The following MICU2 variants were observed in gnomAD, a reference collection of about 807,000 sequenced individuals.
The protein encoded by MICU2 is mitochondrial calcium uptake 2, also known as calcium uptake protein 2, mitochondrial.
Under a neutral mutation model 60.4 loss-of-function variants are expected in MICU2, and 64 were observed. That is an observed-to-expected ratio of 1.06 (90% CI 0.87 to 1.31). MICU2 has a LOEUF of 1.31. Among genes scored for constraint, MICU2 ranks in the 50% most tolerant of loss-of-function variants. The probability of loss-of-function intolerance (pLI) is 0.00; values close to 1 mark genes in which losing one functional copy is unlikely to be tolerated. For missense variants in MICU2, 569 were observed against 531.0 expected (o/e 1.07, Z -0.70); for synonymous variants, 201 against 175.0 (o/e 1.15, Z -1.17).
chr13:21,578,857 T>C (rs185754312), intron 1 of MICU2, among the ~76,000 whole-genome samples: 2 of 152,288 alleles, frequency 1.3e-5, no homozygotes, highest in East Asian at 3.9e-4. Flanking sequence ...CATTGACAGG[T>C]GGTGGCAGTG....
intron 1 of MICU2, chr13:21,603,564 C>T: frequency 3.6e-6 from 1 of 276,048 alleles, no homozygotes; most frequent in Non-Finnish European, 6.8e-6. Flanking sequence ...GTGAATGCCA[C>T]TTCACTGACC....
chr13:21,581,810 C>T (rs1259806239), intron 1 of MICU2, among the ~76,000 whole-genome samples: 3 of 151,770 alleles, frequency 2.0e-5, no homozygotes, highest in African/African-American at 4.8e-5. Flanking sequence ...AATTCCAGGT[C>T]GTCTAAAAAT....
At chr13:21,525,921 T>TTTATTTATTTATTTATTTAGTAGTC (rs1465696572) in intron 4 of MICU2, among the ~76,000 whole-genome samples, 9 of 40,342 alleles carry the variant, frequency 2.2e-4, no homozygotes, top group Non-Finnish European at 4.9e-4. Flanking sequence ...GTCTTATTTA[T>TTTATTTATTTATTTATTTAGTAGTC]TTATTTATTT....
At chr13:21,514,679 C>T (rs1013334914) in intron 6 of MICU2, among the ~76,000 whole-genome samples, 6 of 150,944 alleles carry the variant, frequency 4.0e-5, no homozygotes, top group Admixed American at 2.7e-4. Context: ...ACTACAGGCG[C>T]CCGCCACCAC....
intron 1 of MICU2, among the ~76,000 whole-genome samples, chr13:21,578,253 T>C (rs1298705377): frequency 1.3e-5 from 2 of 152,204 alleles, no homozygotes; most frequent in East Asian, 3.9e-4. Flanking sequence ...TGGGTTTTTA[T>C]GAATGGGAAT....
At chr13:21,597,982 A>G (rs1888732708) in intron 1 of MICU2, among the ~76,000 whole-genome samples, 1 of 151,898 alleles carries the variant, frequency 6.6e-6, no homozygotes, top group Non-Finnish European at 1.5e-5. Context: ...CTATGAAAGA[A>G]AAAAACAACA....
At chr13:21,513,335 A>C (rs1006405065) in intron 7 of MICU2, among the ~76,000 whole-genome samples, 1 of 152,176 alleles carries the variant, frequency 6.6e-6, no homozygotes, top group African/African-American at 2.4e-5. Context: ...TCAGGGGAAA[A>C]GAATTCAGTC....
chr13:21,552,368 A>G (rs1264169776), intron 2 of MICU2, among the ~76,000 whole-genome samples: 1 of 152,036 alleles, frequency 6.6e-6, no homozygotes. Context: ...ATTTTCTCCC[A>G]TTCTGTAGGT....
At chr13:21,601,330 T>A (rs1467289956) in intron 1 of MICU2, among the ~76,000 whole-genome samples, 2 of 152,294 alleles carry the variant, frequency 1.3e-5, no homozygotes, top group Admixed American at 1.3e-4. Context: ...TTTCAACCTA[T>A]AGGTCCTCTC....
intron 11 of MICU2, 88 bp from the exon 12 acceptor site, chr13:21,493,441 T>C: frequency 1.2e-6 from 1 of 854,786 alleles, no homozygotes; most frequent in South Asian, 1.9e-5. Context: ...TTTATTTCCT[T>C]CCCACACTCC....
chr13:21,588,692 G>C (rs549084719), intron 1 of MICU2, among the ~76,000 whole-genome samples: 1 of 152,302 alleles, frequency 6.6e-6, no homozygotes, highest in African/African-American at 2.4e-5. Context: ...CAAATAACCA[G>C]AAGTGGCACT....
intron 3 of MICU2, 81 bp downstream of exon 3, chr13:21,539,576 G>A (rs1173307922): frequency 1.1e-5 from 17 of 1,566,198 alleles, no homozygotes; most frequent in Non-Finnish European, 1.4e-5. Flanking sequence ...GGGATTACAG[G>A]TGTGAGCCAC....
At chr13:21,580,310 T>A (rs1888319714) in intron 1 of MICU2, among the ~76,000 whole-genome samples, 1 of 152,242 alleles carries the variant, frequency 6.6e-6, no homozygotes, top group African/African-American at 2.4e-5. Flanking sequence ...TTTTGGAATC[T>A]TATATGAGAA....
intron 2 of MICU2, among the ~76,000 whole-genome samples, chr13:21,547,515 G>C (rs557104241): frequency 6.6e-6 from 1 of 152,180 alleles, no homozygotes; most frequent in South Asian, 2.1e-4. Flanking sequence ...TGTAATAATA[G>C]TATGTTTTAT....
intron 4 of MICU2, among the ~76,000 whole-genome samples, chr13:21,529,489 C>T (rs746190140): frequency 1.3e-5 from 2 of 152,068 alleles, no homozygotes; most frequent in African/African-American, 2.4e-5. Context: ...CTCATGAATG[C>T]TAAAACCAAG....
rs757097522 is a variant in MICU2, at chr13:21,495,333, T to TA, written c.1043-16dup. On this transcript the variant is annotated splice_polypyrimidine_tract_variant and intron_variant, in intron 10 of 11. Coordinates refer to ENST00000382374, the MANE Select transcript of MICU2 (RefSeq NM_152726.3). ...CTTAAACTCCGCTAAAAAACAAACA[T>TA]AAAACAACTTATCAACTATGTGAAA... 21 of 1,569,378 alleles carry TA rather than the reference T, an allele frequency of 1.3e-5. No homozygotes were observed. The Admixed American group carries it at 3.8e-4, about 28-fold the overall frequency.
At chr13:21,514,273 G>A (rs1886505706) in intron 7 of MICU2, 80 bp downstream of exon 7, 1 of 1,191,716 alleles carries the variant, frequency 8.4e-7, no homozygotes, top group African/African-American at 1.6e-5. Flanking sequence ...AAATCTATTG[G>A]TAACTATCGG....
At position 21,493,009 on chromosome 13, in the gene MICU2, G is replaced by A. The variant is rs192628682; in HGVS notation, c.*240C>T. The A allele has an allele frequency of 9.8e-4, 271 of 275,468 alleles. No individual in the cohort carries two copies. Among genetic ancestry groups the A allele is most frequent in the African/African-American group, 5.7e-3 (256 of 44,858 alleles). The allele number at this position is 275,468 out of a possible 1,614,324, so 17.1% of individuals were successfully genotyped here. A position where few individuals can be genotyped will look rare whatever the true frequency, so the allele number is the denominator to read the frequency against. The stretch of plus-strand genomic sequence containing the variant: ...GAATCACTAAGTTTTCCATCTTACC[G>A]AAGTACAAAACATTATTTCAAATCT... On this transcript the variant is annotated 3_prime_UTR_variant, in exon 12 of 12. Transcript: ENST00000382374.
intron 1 of MICU2, among the ~76,000 whole-genome samples, chr13:21,567,367 C>G (rs996532311): frequency 1.3e-5 from 2 of 152,066 alleles, no homozygotes; most frequent in Non-Finnish European, 2.9e-5. Flanking sequence ...GAAAAGCATT[C>G]TAAGCAAGCA....
Sources: allele counts gnomAD v4.1 joint callset (sites outside exome capture counted in the v4.1 genomes callset), GRCh38; gene constraint gnomAD v4.1.1; transcripts MANE v1.5; gene names NCBI Gene and HGNC (gene_info 2026-07-23, HGNC 2026-07-21).